Variants in ARMC10 observed in about 807,000 individuals in gnomAD.
ARMC10 encodes armadillo repeat containing 10.
Under a neutral mutation model 30.2 loss-of-function variants are expected in ARMC10, and 23 were observed. That is an observed-to-expected ratio of 0.76 (90% CI 0.55 to 1.08). The LOEUF (loss-of-function observed/expected upper bound fraction) is 1.08, where lower values mean the gene tolerates loss of function less well. Among genes scored for constraint, ARMC10 ranks in the 50% least tolerant of loss-of-function variants. ARMC10 has a pLI of 0.00. For synonymous variants in ARMC10, 111 were observed against 164.4 expected, an observed-to-expected ratio of 0.68 and a Z score of 2.48; for missense variants, 303 against 413.7, an observed-to-expected ratio of 0.73 and a Z score of 2.32.
At chr7:103,088,735 C>A in intron 4 of ARMC10, 2 of 192,782 alleles carry the variant, frequency 1.0e-5, no homozygotes, top group South Asian at 1.2e-4. Flanking sequence ...TGGGCCACCT[C>A]TCCAACATAT....
chr7:103,090,654 C>G (rs568324383), intron 4 of ARMC10, among the ~76,000 whole-genome samples: 6 of 150,590 alleles, frequency 4.0e-5, no homozygotes, highest in African/African-American at 1.5e-4. Flanking sequence ...CCCACCACCA[C>G]GCTTGCAATT....
intron 2 of ARMC10, among the ~76,000 whole-genome samples, chr7:103,077,626 T>TTTAATCCAGTC (rs1800006655): frequency 1.3e-5 from 2 of 152,282 alleles, no homozygotes; most frequent in African/African-American, 4.8e-5. Flanking sequence ...TTAAAGGCCT[T>TTTAATCCAGTC]ACCTCTCAAT....
intron 4 of ARMC10, chr7:103,087,647 A>G (rs1303935844): frequency 1.0e-5 from 3 of 298,286 alleles, no homozygotes; most frequent in African/African-American, 2.3e-5. Flanking sequence ...AAGAGACAGG[A>G]GGATGTGCTC....
chr7:103,097,052 T>G (rs1801814295), intron 5 of ARMC10: 1 of 565,716 alleles, frequency 1.8e-6, no homozygotes, highest in African/African-American at 1.9e-5. Flanking sequence ...AATAACACTG[T>G]TCTATGATAG....
chr7:103,091,351 A>G (rs1281206314), intron 4 of ARMC10, among the ~76,000 whole-genome samples: 1 of 152,232 alleles, frequency 6.6e-6, no homozygotes, highest in African/African-American at 2.4e-5. Context: ...AAGAAAGCTC[A>G]TGGCCAGACA....
At chr7:103,080,443 C>T (rs56047178) in intron 2 of ARMC10, among the ~76,000 whole-genome samples, 9,739 of 151,752 alleles carry the variant, frequency 0.064, 351 homozygotes, top group Middle Eastern at 0.12. Flanking sequence ...TTAGTAGAGA[C>T]GGGGTTTCAC....
At chr7:103,084,988 A>C (rs558150590) in intron 3 of ARMC10, among the ~76,000 whole-genome samples, 1 of 152,346 alleles carries the variant, frequency 6.6e-6, no homozygotes, top group South Asian at 2.1e-4. Context: ...ACAAGTGAAC[A>C]ACAATCCCAG....
rs569182089 is a variant in ARMC10 at position 103,081,971 on chromosome 7, G to T, written c.245-1711G>T. ...GTGGTTTCTGCTACTAACTACCCCTGTGACTTTAGGCAGATCCTTGAACAA... is the reference window on the plus strand; with the variant it reads ...GTGGTTTCTGCTACTAACTACCCCTTTGACTTTAGGCAGATCCTTGAACAA... On this transcript the variant is annotated intron_variant, in intron 2 of 6. Transcript: ENST00000323716. 2.4e-5 allele frequency: 11 copies of T among 456,018 alleles called. No individual in the cohort carries two copies. In the East Asian group the frequency reaches 7.6e-4, roughly 32 times the overall value. The allele number at this position is 456,018 out of a possible 1,614,324, so 28.2% of individuals were successfully genotyped here.
At chr7:103,075,986 C>T (rs1304741116) in intron 2 of ARMC10, 105 bp downstream of exon 2, 2 of 742,922 alleles carry the variant, frequency 2.7e-6, no homozygotes, top group Non-Finnish European at 4.1e-6. Context: ...TACATTAAAA[C>T]CCTCCAAAGG....
rs1799606957 is a variant in ARMC10, at chr7:103,075,362, TCGG to T, written c.97_99del (p.Arg33del). ...ACTGCATTTACAGGCTGACCCGGGG[TCGG>T]CGGCGGGGCGACCGCGAGCTCGGGA... On this transcript the variant is annotated inframe_deletion, in exon 1 of 7. Transcript: ENST00000323716. 1 of 1,276,730 alleles carries T rather than the reference TCGG, an allele frequency of 7.8e-7. No homozygotes were observed. The highest frequency in any genetic ancestry group is 1.5e-5 in the African/African-American group (1 of 65,906). The allele number at this position is 1,276,730 out of a possible 1,614,324, so 79.1% of individuals were successfully genotyped here. A position where few individuals can be genotyped will look rare whatever the true frequency, so the allele number is the denominator to read the frequency against.
intron 3 of ARMC10, among the ~76,000 whole-genome samples, chr7:103,085,295 TC>T (rs1368649824): frequency 2.4e-4 from 37 of 152,044 alleles, no homozygotes; most frequent in African/African-American, 8.2e-4. Context: ...TAACTGCAAG[TC>T]CTTCGAAAGA....
At chr7:103,089,166 G>A in intron 4 of ARMC10, 1 of 242,984 alleles carries the variant, frequency 4.1e-6, no homozygotes, top group East Asian at 1.0e-4. Flanking sequence ...TGCTACTGCA[G>A]CTCCTCCACT....
Position 103,083,838 on chromosome 7 carries a change from C to T in ARMC10, c.393+8C>T. 1 of 1,612,218 alleles carries T rather than the reference C, an allele frequency of 6.2e-7. No homozygotes were observed. Among genetic ancestry groups the T allele is most frequent in the Non-Finnish European group, 8.5e-7 (1 of 1,179,298 alleles). On this transcript the variant is annotated splice_region_variant and intron_variant, in intron 3 of 6. Transcript: ENST00000323716. The stretch of plus-strand genomic sequence containing the variant: ...GCCTTTTCAGTTAACCAAGTAAGTA[C>T]CTCAACTCAGCAAGCAAGCTCTTTC...
chr7:103,092,389 T>C, intron 4 of ARMC10, 88 bp from the exon 5 acceptor site: 1 of 789,032 alleles, frequency 1.3e-6, no homozygotes, highest in Non-Finnish European at 1.9e-6. Context: ...TCCTGAGCAG[T>C]AGCCCTACTC....
At chr7:103,086,956 T>G (rs1330392398) in intron 4 of ARMC10, 192 bp downstream of exon 4, 3 of 1,427,188 alleles carry the variant, frequency 2.1e-6, no homozygotes, top group Admixed American at 2.1e-5. Flanking sequence ...AGACTTTTGT[T>G]TCAGTAAAAT....
intron 2 of ARMC10, among the ~76,000 whole-genome samples, chr7:103,076,892 GTTTT>G (rs1799912016): frequency 6.6e-6 from 1 of 152,166 alleles, no homozygotes; most frequent in Non-Finnish European, 1.5e-5. Flanking sequence ...AGAAAAAGGA[GTTTT>G]GTTTTGTTTT....
At chr7:103,088,359 GT>G (rs1335150985) in intron 4 of ARMC10, among the ~76,000 whole-genome samples, 1 of 152,132 alleles carries the variant, frequency 6.6e-6, no homozygotes, top group African/African-American at 2.4e-5. Context: ...GAATTAGCAT[GT>G]TTTAATCAAA....
intron 4 of ARMC10, among the ~76,000 whole-genome samples, chr7:103,090,666 T>A (rs1171180636): frequency 1.3e-5 from 2 of 151,460 alleles, no homozygotes; most frequent in Admixed American, 6.6e-5. Context: ...CTTGCAATTT[T>A]TTGTATTTTT....
intron 2 of ARMC10, among the ~76,000 whole-genome samples, chr7:103,077,640 G>A (rs906546764): frequency 6.6e-6 from 1 of 152,124 alleles, no homozygotes; most frequent in Non-Finnish European, 1.5e-5. Flanking sequence ...TCTCAATACT[G>A]CCACATTGGG....
Sources: gnomAD v4.1 joint callset for allele counts (sites outside exome capture counted in the v4.1 genomes callset) on GRCh38, gnomAD v4.1.1 for gene constraint, MANE v1.5 for transcripts, NCBI Gene and HGNC (gene_info 2026-07-23, HGNC 2026-07-21) for gene names.